The following RALGAPA2 variants were observed in gnomAD, a reference collection of about 807,000 sequenced individuals.
The protein encoded by RALGAPA2 is ral GTPase-activating protein subunit alpha-2.
In RALGAPA2, 139 loss-of-function variants were observed where a neutral mutation model predicts 230.4. The observed-to-expected ratio is 0.60, with a 90% CI of 0.53 to 0.69. The LOEUF (loss-of-function observed/expected upper bound fraction) is 0.69. Ranked by LOEUF, RALGAPA2 falls within the 30% of genes least tolerant of loss-of-function variation. RALGAPA2 has a pLI of 0.00. For missense variants in RALGAPA2, 2,163 were observed against 2,276.0 expected (o/e 0.95, Z 1.01); for synonymous variants, 847 against 837.8 (o/e 1.01, Z -0.19).
chr20:20,413,656 C>T (rs865870778), intron 37 of RALGAPA2, among the ~76,000 whole-genome samples: 4 of 152,282 alleles, frequency 2.6e-5, no homozygotes, highest in Non-Finnish European at 4.4e-5. Flanking sequence ...TGCCTGTCAC[C>T]GTGGAAAGCA....
At chr20:20,702,586 G>C (rs1232580219) in intron 1 of RALGAPA2, among the ~76,000 whole-genome samples, 2 of 152,164 alleles carry the variant, frequency 1.3e-5, no homozygotes, top group Non-Finnish European at 2.9e-5. Context: ...CTCAGTAATG[G>C]GCTAAGAGCT....
chr20:20,504,199 A>C (rs2062462193), intron 34 of RALGAPA2, among the ~76,000 whole-genome samples: 1 of 152,252 alleles, frequency 6.6e-6, no homozygotes, highest in African/African-American at 2.4e-5. Context: ...GTATGGCTTA[A>C]AAATATATTA....
chr20:20,477,196 T>C (rs181945382), intron 36 of RALGAPA2, among the ~76,000 whole-genome samples: 50 of 152,332 alleles, frequency 3.3e-4, no homozygotes, highest in African/African-American at 1.2e-3. Context: ...ACAATTTGTG[T>C]CCTTTTCAAT....
chr20:20,536,729 G>A lies in RALGAPA2; in HGVS notation c.3341C>T (p.Thr1114Ile). 4 of 1,613,082 alleles carry A rather than the reference G, an allele frequency of 2.5e-6. No individual in the cohort carries two copies. Among genetic ancestry groups the A allele is most frequent in the Non-Finnish European group, 3.4e-6 (4 of 1,179,254 alleles). ...CTGCAGTAAAGGAATCTCCTGGTAG[G>A]TATTTGGAAAGCAGACCAGAGAGCC... The part of the protein sequence containing the change: ...VLGSLVCFPN[T>I]YQEIPLLQSV... The change falls in exon 25 of 40, where the codon ACC becomes ATC. Residue 1114 changes from threonine to isoleucine, a missense_variant. Coordinates refer to ENST00000202677, the MANE Select transcript of RALGAPA2 (RefSeq NM_020343.4).
chr20:20,602,271 C>A (rs2065679065), intron 15 of RALGAPA2, among the ~76,000 whole-genome samples: 1 of 152,226 alleles, frequency 6.6e-6, no homozygotes, highest in African/African-American at 2.4e-5. Context: ...AACCCCTCCA[C>A]AAATCCCCAG....
intron 9 of RALGAPA2, among the ~76,000 whole-genome samples, chr20:20,633,503 C>T (rs939445755): frequency 1.3e-5 from 2 of 151,736 alleles, no homozygotes; most frequent in African/African-American, 2.4e-5. Context: ...TGGATTTTCC[C>T]TTCTCTTACA....
intron 39 of RALGAPA2, among the ~76,000 whole-genome samples, chr20:20,394,234 C>T (rs1463055732): frequency 6.6e-6 from 1 of 152,126 alleles, no homozygotes. Flanking sequence ...AAAATCAATA[C>T]TTGCAAACGT....
intron 23 of RALGAPA2, among the ~76,000 whole-genome samples, chr20:20,562,653 T>G (rs934119857): frequency 1.3e-5 from 2 of 152,216 alleles, no homozygotes; most frequent in African/African-American, 4.8e-5. Context: ...TTCTTCTCTC[T>G]GGATCAGCCT....
At chr20:20,634,502 C>T (rs1701033227) in intron 9 of RALGAPA2, among the ~76,000 whole-genome samples, 1 of 152,180 alleles carries the variant, frequency 6.6e-6, no homozygotes, top group African/African-American at 2.4e-5. Context: ...AGTGACTTCT[C>T]CCCAGTGGAG....
chr20:20,427,635 C>G (rs1176444735), intron 37 of RALGAPA2, among the ~76,000 whole-genome samples: 2 of 152,060 alleles, frequency 1.3e-5, no homozygotes, highest in African/African-American at 4.8e-5. Context: ...GCACCGTTAC[C>G]ATGCACCTGC....
intron 1 of RALGAPA2, among the ~76,000 whole-genome samples, chr20:20,711,388 C>T (rs2069857830): frequency 6.6e-6 from 1 of 152,232 alleles, no homozygotes; most frequent in African/African-American, 2.4e-5. Flanking sequence ...ATAAGGTGTT[C>T]TTTCCTTCGC....
At chr20:20,697,760 G>A (rs138579870) in intron 1 of RALGAPA2, among the ~76,000 whole-genome samples, 2 of 152,268 alleles carry the variant, frequency 1.3e-5, no homozygotes, top group African/African-American at 4.8e-5. Flanking sequence ...ACCTGTACCT[G>A]GCAGAGTTGG....
At chr20:20,602,248 T>C (rs1703109705) in intron 15 of RALGAPA2, among the ~76,000 whole-genome samples, 1 of 152,176 alleles carries the variant, frequency 6.6e-6, no homozygotes, top group Admixed American at 6.5e-5. Flanking sequence ...TAGTACTGCA[T>C]CCTGTAGACA....
intron 30 of RALGAPA2, among the ~76,000 whole-genome samples, chr20:20,523,047 A>T (rs1602640818): frequency 2.0e-5 from 3 of 151,856 alleles, no homozygotes; most frequent in Non-Finnish European, 4.4e-5. Flanking sequence ...TTTTTTTTTT[A>T]AAGTAATACT....
At chr20:20,655,335 A>T (rs947702324) in intron 3 of RALGAPA2, among the ~76,000 whole-genome samples, 40 of 148,268 alleles carry the variant, frequency 2.7e-4, no homozygotes, top group African/African-American at 9.1e-4. Flanking sequence ...TTTTTTAAAT[A>T]AAAAAAAAAA....
intron 24 of RALGAPA2, among the ~76,000 whole-genome samples, chr20:20,539,450 CT>C (rs1364030109): frequency 6.6e-6 from 1 of 152,046 alleles, no homozygotes; most frequent in Non-Finnish European, 1.5e-5. Context: ...TGGAAGGCTA[CT>C]TTATTAATTT....
intron 36 of RALGAPA2, among the ~76,000 whole-genome samples, chr20:20,483,798 G>A (rs1040436505): frequency 5.9e-5 from 9 of 152,116 alleles, no homozygotes; most frequent in African/African-American, 1.7e-4. Flanking sequence ...AAGTTCTAAC[G>A]AATAATGAGA....
chr20:20,411,227 A>G (rs1006504143), intron 38 of RALGAPA2, among the ~76,000 whole-genome samples: 8 of 152,222 alleles, frequency 5.3e-5, no homozygotes, highest in Non-Finnish European at 7.3e-5. Flanking sequence ...TTGGCTAAAT[A>G]TCCCATTTAT....
intron 24 of RALGAPA2, among the ~76,000 whole-genome samples, chr20:20,540,672 C>G (rs1217907990): frequency 6.6e-6 from 1 of 152,174 alleles, no homozygotes; most frequent in African/African-American, 2.4e-5. Flanking sequence ...ATCTTGGCAA[C>G]ACTTCATGTG....
Sources: gnomAD v4.1 joint callset for allele counts (sites outside exome capture counted in the v4.1 genomes callset) on GRCh38, gnomAD v4.1.1 for gene constraint, MANE v1.5 for transcripts, NCBI Gene and HGNC (gene_info 2026-07-23, HGNC 2026-07-21) for gene names.